FYB2: variants seen among roughly 807,000 people sequenced by gnomAD.
FYB2 encodes FYN binding protein 2, also known as FYN-binding protein 2.
In FYB2, 103 loss-of-function variants were observed where a neutral mutation model predicts 94.1. The ratio of observed to expected loss-of-function variants is 1.09; its 90% CI spans 0.93 to 1.29. The LOEUF (loss-of-function observed/expected upper bound fraction) is 1.29. Among genes scored for constraint, FYB2 ranks in the 50% most tolerant of loss-of-function variants. The pLI, the probability that FYB2 is intolerant of heterozygous loss-of-function variation, is 0.00. For missense variants in FYB2, 896 were observed against 841.5 expected, an observed-to-expected ratio of 1.06 and a Z score of -0.80; for synonymous variants, 293 against 287.9, an observed-to-expected ratio of 1.02 and a Z score of -0.18.
At chr1:56,754,074 GGATCA>G (rs1645266936) in intron 7 of FYB2, 139 bp from the exon 8 acceptor site, 1 of 620,886 alleles carries the variant, frequency 1.6e-6, no homozygotes, top group South Asian at 2.0e-5. Flanking sequence ...GAAGGGACTA[GGATCA>G]GATCAATTAT....
Position 56,792,553 on chromosome 1 carries a change from A to T in FYB2, c.260T>A (p.Ile87Asn). 6.2e-7 allele frequency: 1 copy of T among 1,614,098 alleles called. No individual in the cohort carries two copies. Among genetic ancestry groups the T allele is most frequent in the Non-Finnish European group, 8.5e-7 (1 of 1,179,996 alleles). The stretch of plus-strand genomic sequence containing the variant: ...CCCTGGGGAGTTAGAACATTTTGGA[A>T]TTTCACTCTTCTGAGCCAACTTTAT... ...QKIKLAQKSE[I>N]PKCSNSPGPL... The change falls in exon 2 of 20, where the codon ATT becomes AAT. Residue 87 changes from isoleucine to asparagine, a missense_variant. By Grantham distance (149) the Ile-to-Asn change is moderately radical. Transcript: ENST00000343433.
In FYB2 at chr1:56,767,951, G is replaced by T. The variant is rs1002599010; in HGVS notation, c.954-13C>A. The stretch of plus-strand genomic sequence containing the variant: ...TGCATTGAAAAGCCTGGAGAAAAAA[G>T]GGTTACTTAAAATGTAACATTTTTA... On this transcript the variant is annotated splice_polypyrimidine_tract_variant and intron_variant, in intron 4 of 19. Coordinates refer to ENST00000343433, the MANE Select transcript of FYB2 (RefSeq NM_001004303.5). The T allele has an allele frequency of 3.3e-6, 5 of 1,532,996 alleles. No individual in the cohort carries two copies. Among genetic ancestry groups the T allele is most frequent in the Non-Finnish European group, 3.5e-6 (4 of 1,127,636 alleles). 95.0% of individuals were successfully genotyped at this position (1,532,996 alleles called of 1,614,324 possible). A position where few individuals can be genotyped will look rare whatever the true frequency, so the allele number is the denominator to read the frequency against.
At chr1:56,797,194 T>A (rs1646420392) in intron 1 of FYB2, among the ~76,000 whole-genome samples, 1 of 152,106 alleles carries the variant, frequency 6.6e-6, no homozygotes, top group East Asian at 1.9e-4. Context: ...GGAAACAGCA[T>A]GATGTATATG....
chr1:56,778,438 C>A (rs1203213974), intron 4 of FYB2, among the ~76,000 whole-genome samples: 1 of 152,144 alleles, frequency 6.6e-6, no homozygotes, highest in Non-Finnish European at 1.5e-5. Context: ...TGTAGGCTCC[C>A]AGTTAGCAAC....
At chr1:56,818,454 C>T (rs1483893837) in intron 1 of FYB2, among the ~76,000 whole-genome samples, 1 of 86,100 alleles carries the variant, frequency 1.2e-5, no homozygotes, top group African/African-American at 4.7e-5. Flanking sequence ...AGTATGGAAG[C>T]AACACACACA....
intron 1 of FYB2, among the ~76,000 whole-genome samples, chr1:56,802,812 A>T (rs149338216): frequency 7.4e-4 from 112 of 152,168 alleles, no homozygotes; most frequent in African/African-American, 2.6e-3. Context: ...ATGTGCCTAC[A>T]CTCCTTGTCA....
intron 1 of FYB2, among the ~76,000 whole-genome samples, chr1:56,818,895 G>T (rs1008028277): frequency 2.3e-4 from 35 of 152,162 alleles, no homozygotes; most frequent in African/African-American, 7.5e-4. Context: ...CTGACCAGGA[G>T]GCCCGCTAAT....
Position 56,759,352 on chromosome 1 carries a change from A to C in FYB2, c.1064-602T>G, listed in dbSNP as rs1232808778. On this transcript the variant is annotated intron_variant, in intron 5 of 19. Transcript: ENST00000343433. ...CTTAGGTGATTTCATCATCACGTGA[A>C]TACCATAGAACATACTTATACAAAC... 2.0e-5 allele frequency among the ~76,000 whole-genome samples: 3 copies of C among 152,168 alleles called. 1 individual carries two copies. The highest frequency in any genetic ancestry group is 7.2e-5 in the African/African-American group (3 of 41,442).
At chr1:56,800,187 G>A (rs1320722217) in intron 1 of FYB2, among the ~76,000 whole-genome samples, 2 of 152,128 alleles carry the variant, frequency 1.3e-5, no homozygotes, top group Non-Finnish European at 2.9e-5. Flanking sequence ...AACAAATTAC[G>A]TGCCCAGGAA....
At chr1:56,735,007 A>C (rs1202409158) in intron 15 of FYB2, among the ~76,000 whole-genome samples, 1 of 152,094 alleles carries the variant, frequency 6.6e-6, no homozygotes, top group Non-Finnish European at 1.5e-5. Flanking sequence ...CTTCATTCTT[A>C]GTGGGAATAT....
chr1:56,800,185 A>G (rs1366725522), intron 1 of FYB2, among the ~76,000 whole-genome samples: 2 of 152,306 alleles, frequency 1.3e-5, no homozygotes, highest in East Asian at 3.9e-4. Flanking sequence ...CCAACAAATT[A>G]CGTGCCCAGG....
At chr1:56,730,325 G>A (rs1485838265) in intron 15 of FYB2, among the ~76,000 whole-genome samples, 1 of 136,606 alleles carries the variant, frequency 7.3e-6, no homozygotes, top group Non-Finnish European at 1.6e-5. Context: ...AGGGGAGGGA[G>A]GAGGGGAGGG....
intron 15 of FYB2, among the ~76,000 whole-genome samples, chr1:56,731,102 A>G (rs1184046753): frequency 6.6e-6 from 1 of 151,886 alleles, no homozygotes; most frequent in East Asian, 1.9e-4. Flanking sequence ...AAAACAAAAA[A>G]ACCCAACTCA....
chr1:56,773,784 T>G (rs1645814875), intron 4 of FYB2, among the ~76,000 whole-genome samples: 1 of 152,194 alleles, frequency 6.6e-6, no homozygotes, highest in East Asian at 1.9e-4. Context: ...TTCCACTTAA[T>G]ATTTCAATGG....
At chr1:56,813,289 TTCCACA>T (rs1463885022) in intron 1 of FYB2, among the ~76,000 whole-genome samples, 292 of 151,990 alleles carry the variant, frequency 1.9e-3, no homozygotes, top group African/African-American at 6.6e-3. Flanking sequence ...GGACTCCCAG[TTCCACA>T]TGGCTGGGGA....
intron 12 of FYB2, among the ~76,000 whole-genome samples, chr1:56,741,796 TG>T (rs1644959176): frequency 6.6e-6 from 1 of 152,096 alleles, no homozygotes; most frequent in Non-Finnish European, 1.5e-5. Flanking sequence ...AATTTGTTCC[TG>T]GAAAAACAGC....
intron 2 of FYB2, 76 bp from the exon 3 acceptor site, chr1:56,789,210 G>A: frequency 1.4e-6 from 2 of 1,475,688 alleles, no homozygotes; most frequent in Non-Finnish European, 9.1e-7. Context: ...TGGTTTCCTT[G>A]CCTCCATCTA....
chr1:56,821,519 T>C (rs1476342079), upstream of FYB2, among the ~76,000 whole-genome samples: 1 of 152,222 alleles, frequency 6.6e-6, no homozygotes, highest in Admixed American at 6.5e-5. Flanking sequence ...CTCTGAGATG[T>C]ATGTTTCTCA....
intron 1 of FYB2, among the ~76,000 whole-genome samples, chr1:56,794,957 T>C (rs867348250): frequency 2.6e-5 from 4 of 151,940 alleles, no homozygotes; most frequent in Non-Finnish European, 5.9e-5. Flanking sequence ...ACCTCAGTGA[T>C]AAATATTTTT....
Sources: allele counts gnomAD v4.1 joint callset (sites outside exome capture counted in the v4.1 genomes callset), GRCh38; gene constraint gnomAD v4.1.1; transcripts MANE v1.5; gene names NCBI Gene and HGNC (gene_info 2026-07-23, HGNC 2026-07-21).